The following DYM variants were observed in gnomAD, a reference collection of about 807,000 sequenced individuals.
The protein encoded by DYM is dymeclin.
A neutral mutation model predicts 93.1 loss-of-function variants in DYM; 78 were observed. The ratio of observed to expected loss-of-function variants is 0.84; its 90% confidence interval spans 0.70 to 1.01. DYM has a LOEUF of 1.01. Among genes scored for constraint, DYM ranks in the 50% least tolerant of loss-of-function variants. The probability of loss-of-function intolerance (pLI) is 0.00; values close to 1 mark genes in which losing one functional copy is unlikely to be tolerated. For synonymous variants in DYM, 321 were observed against 319.7 expected (o/e 1.00, Z -0.04); for missense variants, 789 against 845.0 (o/e 0.93, Z 0.82).
In DYM at chr18:49,109,029, CTT is replaced by C. The variant is rs57905408; in HGVS notation, c.1911+9713_1911+9714del. ...TGCTATTAATATAGTCATCCTACCC[CTT>C]TTTTTTTTTATTAATGCTTACGTAG... On this transcript the variant is annotated intron_variant, in intron 16 of 17. Transcript: ENST00000675505. Among the ~76,000 whole-genome samples, 28 of 147,546 alleles carry C rather than the reference CTT, an allele frequency of 1.9e-4. No homozygotes were observed. In the East Asian group the frequency reaches 3.5e-3, roughly 19 times the overall value.
At chr18:49,395,847 T>G (rs2147967220) in intron 2 of DYM, among the ~76,000 whole-genome samples, 1 of 152,286 alleles carries the variant, frequency 6.6e-6, no homozygotes, top group East Asian at 1.9e-4. Flanking sequence ...TTTGGATGTT[T>G]GATCCCTACA....
chr18:49,410,032 T>C (rs2072035187), intron 2 of DYM, among the ~76,000 whole-genome samples: 1 of 152,234 alleles, frequency 6.6e-6, no homozygotes, highest in South Asian at 2.1e-4. Flanking sequence ...CTAACTCATC[T>C]GTCTCTTTCT....
chr18:49,172,557 A>G (rs2088886821), intron 14 of DYM, among the ~76,000 whole-genome samples: 1 of 152,086 alleles, frequency 6.6e-6, no homozygotes, highest in Admixed American at 6.6e-5. Context: ...GTCTTTGGTG[A>G]AGTGTCTATT....
chr18:49,283,835 T>C (rs2095050881), intron 9 of DYM, among the ~76,000 whole-genome samples: 1 of 152,200 alleles, frequency 6.6e-6, no homozygotes, highest in South Asian at 2.1e-4. Context: ...TCCTAAGCTT[T>C]ACATTTGTGA....
intron 15 of DYM, among the ~76,000 whole-genome samples, chr18:49,149,685 A>G (rs1470877151): frequency 1.3e-5 from 2 of 150,432 alleles, no homozygotes; most frequent in African/African-American, 2.4e-5. Context: ...AAGAAATTTC[A>G]AGCACCATTA....
intron 2 of DYM, among the ~76,000 whole-genome samples, chr18:49,393,347 T>A (rs1353275139): frequency 6.6e-6 from 1 of 152,158 alleles, no homozygotes; most frequent in East Asian, 1.9e-4. Flanking sequence ...GAAGAGATAG[T>A]TGTACACTCG....
intron 2 of DYM, among the ~76,000 whole-genome samples, chr18:49,404,906 G>A (rs534464659): frequency 2.0e-5 from 3 of 151,754 alleles, no homozygotes; most frequent in Non-Finnish European, 4.4e-5. Context: ...CCAGCTACTC[G>A]GGAGGCTGAA....
rs539938161 is a variant in DYM at position 49,447,670 on chromosome 18, G to C, written c.-54+12728C>G. On this transcript the variant is annotated intron_variant, in intron 1 of 17. Coordinates refer to ENST00000675505, the MANE Select transcript of DYM (RefSeq NM_001353214.3). ...GGCTTCTGGACCCCAGCCGCCAACC[G>C]CCCCAATGCGGTGTCGGCAACAGGA... 1.4e-4 allele frequency among the ~76,000 whole-genome samples: 21 copies of C among 152,228 alleles called. No individual in the cohort carries two copies. The South Asian group carries it at 4.4e-3, about 32-fold the overall frequency.
At chr18:49,403,278 G>A (rs1225001776) in intron 2 of DYM, among the ~76,000 whole-genome samples, 4 of 152,204 alleles carry the variant, frequency 2.6e-5, no homozygotes, top group Admixed American at 2.0e-4. Flanking sequence ...TTAAACAACT[G>A]TAAGTGATCT....
chr18:49,156,423 C>A (rs1188168468), intron 15 of DYM, among the ~76,000 whole-genome samples: 1 of 151,792 alleles, frequency 6.6e-6, no homozygotes, highest in African/African-American at 2.4e-5. Context: ...CCACGCCCCC[C>A]CCTCAAAAAA....
chr18:49,140,742 G>A (rs6507884), intron 15 of DYM, among the ~76,000 whole-genome samples: 132,096 of 152,206 alleles, frequency 0.87, 57,778 homozygotes, highest in South Asian at 0.93. Context: ...ATCCTAAGAT[G>A]AGACAGGCTA....
intron 13 of DYM, among the ~76,000 whole-genome samples, chr18:49,226,064 C>G (rs137991237): frequency 6.6e-6 from 1 of 152,048 alleles, no homozygotes; most frequent in Non-Finnish European, 1.5e-5. Context: ...TTCTCTTCCA[C>G]ATAGAAAACA....
At chr18:49,184,122 A>G (rs998943423) in intron 14 of DYM, among the ~76,000 whole-genome samples, 5 of 152,208 alleles carry the variant, frequency 3.3e-5, no homozygotes, top group African/African-American at 1.2e-4. Context: ...TAATATACAT[A>G]GGGATGTGTT....
intron 15 of DYM, among the ~76,000 whole-genome samples, chr18:49,142,034 TTG>T (rs1489710967): frequency 6.6e-6 from 1 of 151,476 alleles, no homozygotes; most frequent in East Asian, 1.9e-4. Context: ...TTTTTTTTTT[TTG>T]TATCTTTAGT....
chr18:49,254,325 TACACAC>T (rs1555661313), intron 13 of DYM, among the ~76,000 whole-genome samples: 2 of 138,618 alleles, frequency 1.4e-5, no homozygotes, highest in Admixed American at 7.2e-5. Flanking sequence ...TATATATATA[TACACAC>T]ATAGATGGGT....
intron 2 of DYM, among the ~76,000 whole-genome samples, chr18:49,400,139 C>T (rs548111709): frequency 6.6e-6 from 1 of 151,974 alleles, no homozygotes; most frequent in South Asian, 2.1e-4. Flanking sequence ...CGACGTTTCA[C>T]CATGTTGGCC....
chr18:49,114,950 T>C (rs966020958), intron 16 of DYM, among the ~76,000 whole-genome samples: 3 of 152,198 alleles, frequency 2.0e-5, no homozygotes, highest in African/African-American at 7.2e-5. Context: ...TGTGGGAGCA[T>C]TTAGTGAATG....
At chr18:49,112,606 G>C (rs1480058536) in intron 16 of DYM, among the ~76,000 whole-genome samples, 1 of 152,080 alleles carries the variant, frequency 6.6e-6, no homozygotes, top group Non-Finnish European at 1.5e-5. Context: ...TGTTAGGGTA[G>C]AACTCTTCCT....
At chr18:49,280,827 T>C (rs2094954021) in intron 10 of DYM, among the ~76,000 whole-genome samples, 1 of 152,192 alleles carries the variant, frequency 6.6e-6, no homozygotes. Flanking sequence ...CATGGAATGT[T>C]AGACCTAAAA....
Sources: gnomAD v4.1 joint callset for allele counts (sites outside exome capture counted in the v4.1 genomes callset) on GRCh38, gnomAD v4.1.1 for gene constraint, MANE v1.5 for transcripts, NCBI Gene and HGNC (gene_info 2026-07-23, HGNC 2026-07-21) for gene names.